Variants in ZDHHC11 observed in about 807,000 individuals in gnomAD.
ZDHHC11 encodes the protein palmitoyltransferase ZDHHC11.
A neutral mutation model predicts 51.3 loss-of-function variants in ZDHHC11; 44 were observed. The ratio of observed to expected loss-of-function variants is 0.86; its 90% CI spans 0.67 to 1.10. ZDHHC11 has a LOEUF of 1.10. Among genes scored for constraint, ZDHHC11 ranks in the 50% least tolerant of loss-of-function variants. The pLI is 0.00. For synonymous variants in ZDHHC11, 163 were observed against 222.0 expected (o/e 0.73, Z 2.36); for missense variants, 400 against 537.7 (o/e 0.74, Z 2.53).
At chr5:811,677 C>G (rs1200626733) in intron 11 of ZDHHC11, among the ~76,000 whole-genome samples, 2 of 150,866 alleles carry the variant, frequency 1.3e-5, no homozygotes, top group Non-Finnish European at 3.0e-5. Flanking sequence ...GCCAGGGAAA[C>G]GCTATCGGCC....
chr5:803,677 A>G (rs1738814851), intron 11 of ZDHHC11, among the ~76,000 whole-genome samples: 1 of 151,300 alleles, frequency 6.6e-6, no homozygotes, highest in Admixed American at 6.6e-5. Context: ...CAGACATTTG[A>G]ACTACTAGTC....
intron 4 of ZDHHC11, chr5:841,129 T>C: frequency 1.1e-6 from 1 of 945,448 alleles, no homozygotes; most frequent in African/African-American, 2.2e-5. Context: ...CACCCATCCC[T>C]TCCTTATTTA....
intron 5 of ZDHHC11, among the ~76,000 whole-genome samples, chr5:837,787 C>T (rs1393092860): frequency 6.6e-6 from 1 of 151,946 alleles, no homozygotes; most frequent in African/African-American, 2.4e-5. Context: ...CAGAGATGAG[C>T]TGTCTCTCAC....
intron 3 of ZDHHC11, among the ~76,000 whole-genome samples, chr5:844,099 C>T (rs1459391420): frequency 1.3e-5 from 2 of 151,868 alleles, no homozygotes; most frequent in African/African-American, 2.4e-5. Flanking sequence ...TCAGTGTGGG[C>T]GTCCACTTGA....
intron 11 of ZDHHC11, among the ~76,000 whole-genome samples, chr5:808,638 C>T (rs184601223): frequency 1.5e-4 from 23 of 148,692 alleles, no homozygotes; most frequent in African/African-American, 4.9e-4. Flanking sequence ...CAGGTTCAAG[C>T]GATTCTCCTG....
intron 11 of ZDHHC11, among the ~76,000 whole-genome samples, chr5:806,050 G>A (rs1420489688): frequency 6.6e-6 from 1 of 151,314 alleles, no homozygotes; most frequent in Non-Finnish European, 1.5e-5. Context: ...GCAGGTGGGA[G>A]AATGGGGGAG....
At chr5:834,323 A>T (rs553827821) in intron 6 of ZDHHC11, among the ~76,000 whole-genome samples, 172 of 152,190 alleles carry the variant, frequency 1.1e-3, no homozygotes, top group East Asian at 2.8e-3. Context: ...AGTTTGTTCA[A>T]ATCTTTTGCC....
chr5:808,267 C>T (rs1739568238), intron 11 of ZDHHC11, among the ~76,000 whole-genome samples: 1 of 152,070 alleles, frequency 6.6e-6, no homozygotes, highest in Non-Finnish European at 1.5e-5. Context: ...AGAGGACCTG[C>T]ACCCTTAGCC....
chr5:815,946 T>C (rs1413862812), intron 10 of ZDHHC11, among the ~76,000 whole-genome samples: 3 of 151,500 alleles, frequency 2.0e-5, no homozygotes, highest in African/African-American at 7.3e-5. Flanking sequence ...CTTTCTAACA[T>C]GGGTGCCATG....
At chr5:846,541 ACGTCT>A (rs1746197163) in intron 3 of ZDHHC11, among the ~76,000 whole-genome samples, 1 of 146,520 alleles carries the variant, frequency 6.8e-6, no homozygotes, top group African/African-American at 2.6e-5. Flanking sequence ...CAGGGGAAAC[ACGTCT>A]CATCTGTGAG....
At chr5:837,063 A>G (rs1024168316) in intron 6 of ZDHHC11, among the ~76,000 whole-genome samples, 1 of 152,034 alleles carries the variant, frequency 6.6e-6, no homozygotes, top group Non-Finnish European at 1.5e-5. Context: ...TCTCAAAAAA[A>G]AAGATGCAAA....
intron 12 of ZDHHC11, 30 bp downstream of exon 12, chr5:801,070 C>T (rs1012647294): frequency 2.5e-6 from 4 of 1,608,920 alleles, no homozygotes; most frequent in Non-Finnish European, 3.4e-6. Context: ...GGGTAGATTT[C>T]AACATGACCC....
intron 6 of ZDHHC11, among the ~76,000 whole-genome samples, chr5:835,809 A>G (rs1319852675): frequency 6.6e-6 from 1 of 151,646 alleles, no homozygotes; most frequent in South Asian, 2.1e-4. Flanking sequence ...ACATATTTGC[A>G]TAAGGTTTGT....
chr5:852,431 G>C (rs1306327081), upstream of ZDHHC11, among the ~76,000 whole-genome samples: 1 of 152,270 alleles, frequency 6.6e-6, no homozygotes, highest in African/African-American at 2.4e-5. Flanking sequence ...CCAAGAGCTG[G>C]AAAGGATGAT....
chr5:799,793 T>A (rs1434018442), intron 12 of ZDHHC11, among the ~76,000 whole-genome samples: 2 of 151,774 alleles, frequency 1.3e-5, no homozygotes, highest in Non-Finnish European at 2.9e-5. Context: ...CCAATTTACT[T>A]CTTCTTTCCT....
Position 801,142 on chromosome 5 carries a change from G to A in ZDHHC11, c.1204C>T (p.Pro402Ser), listed in dbSNP as rs1239408540. ...TLGLQQETTE[P>S]MKTDSAESED ...CTTTCAGCACTGTCAGTTTTCATGG[G>A]CTCTGTTGTTTCTTGTTGCAGCCTG... is the stretch of plus-strand genomic sequence containing the variant. Residue 402 changes from proline to serine, a missense_variant, in exon 12 of 13, where the codon CCC (proline) becomes TCC (serine). Coordinates refer to ENST00000283441, the MANE Select transcript of ZDHHC11 (RefSeq NM_024786.3). 1 of 1,610,994 alleles carries A rather than the reference G, an allele frequency of 6.2e-7. No homozygotes were observed. The highest frequency in any genetic ancestry group is 2.2e-5 in the East Asian group (1 of 44,890).
intron 11 of ZDHHC11, among the ~76,000 whole-genome samples, chr5:808,003 G>C (rs1466123362): frequency 6.6e-6 from 1 of 150,934 alleles, no homozygotes; most frequent in Non-Finnish European, 1.5e-5. Context: ...TGGGGGTGCA[G>C]GCCAGTCCCC....
At chr5:843,976 GCA>G (rs1745637239) in intron 3 of ZDHHC11, among the ~76,000 whole-genome samples, 1 of 110,788 alleles carries the variant, frequency 9.0e-6, no homozygotes, top group African/African-American at 6.0e-5. Flanking sequence ...AGAGGCAGGG[GCA>G]GGGACACGCA....
At position 796,572 on chromosome 5, in the gene ZDHHC11, C is replaced by T. The variant is rs1387306687; in HGVS notation, c.*16G>A. ...GTAGAAGACCTGGATCACAGGGGCA[C>T]CTGAGCTCCTGCAGGACAAAACAAA... On this transcript the variant is annotated 3_prime_UTR_variant, in exon 13 of 13. Transcript: ENST00000283441. 2.0e-5 allele frequency: 3 copies of T among 149,584 alleles called. No homozygotes were observed. The highest frequency in any genetic ancestry group is 7.4e-5 in the African/African-American group (3 of 40,526). The allele number at this position is 149,584 out of a possible 1,614,324, so 9.3% of individuals were successfully genotyped here. A position where few individuals can be genotyped will look rare whatever the true frequency, so the allele number is the denominator to read the frequency against.
Sources: allele counts gnomAD v4.1 joint callset (sites outside exome capture counted in the v4.1 genomes callset), GRCh38; gene constraint gnomAD v4.1.1; transcripts MANE v1.5; gene names NCBI Gene and HGNC (gene_info 2026-07-23, HGNC 2026-07-21).